The following ABTB3 variants were observed in gnomAD, a reference collection of about 807,000 sequenced individuals.
ABTB3 encodes the protein ankyrin repeat and BTB domain containing 3.
the ABTB3 span, among the ~76,000 whole-genome samples, chr12:107,534,251 T>C: frequency 6.9e-6 from 1 of 144,742 alleles, no homozygotes; most frequent in African/African-American, 2.6e-5. Flanking sequence ...TTGACACAAA[T>C]AAAAATGGAA....
chr12:107,586,064 C>A, the ABTB3 span, among the ~76,000 whole-genome samples: 1 of 152,102 alleles, frequency 6.6e-6, no homozygotes, highest in Non-Finnish European at 1.5e-5. Context: ...ACAGAGAAAG[C>A]AAAACAGGGT....
At chr12:107,385,874 A>G in the ABTB3 span, among the ~76,000 whole-genome samples, 1 of 152,134 alleles carries the variant, frequency 6.6e-6, no homozygotes, top group Non-Finnish European at 1.5e-5. Flanking sequence ...ATCCTCACCG[A>G]CATGCCCAGC....
the ABTB3 span, among the ~76,000 whole-genome samples, chr12:107,543,338 C>CAA: frequency 2.1e-4 from 16 of 78,012 alleles, no homozygotes; most frequent in East Asian, 6.4e-4. Context: ...GACTCCATCT[C>CAA]AAAAAAAAAA....
the ABTB3 span, among the ~76,000 whole-genome samples, chr12:107,624,389 C>T: frequency 1.3e-5 from 2 of 152,078 alleles, no homozygotes; most frequent in African/African-American, 4.8e-5. Context: ...TCTTGCAAAA[C>T]TATGGTAAAA....
At chr12:107,520,849 A>G in the ABTB3 span, among the ~76,000 whole-genome samples, 1 of 152,230 alleles carries the variant, frequency 6.6e-6, no homozygotes, top group Admixed American at 6.5e-5. Flanking sequence ...TGGTTCCGCC[A>G]TAAATGCAGG....
the ABTB3 span, among the ~76,000 whole-genome samples, chr12:107,461,357 A>G: frequency 6.6e-6 from 1 of 152,202 alleles, no homozygotes; most frequent in South Asian, 2.1e-4. Flanking sequence ...GAGAGGACAC[A>G]CAGAGACACA....
the ABTB3 span, among the ~76,000 whole-genome samples, chr12:107,401,022 T>A: frequency 1.3e-5 from 2 of 152,174 alleles, no homozygotes; most frequent in African/African-American, 4.8e-5. Flanking sequence ...GATGACCATG[T>A]CCACATTCAC....
chr12:107,443,527 G>A, the ABTB3 span, among the ~76,000 whole-genome samples: 1 of 152,002 alleles, frequency 6.6e-6, no homozygotes, highest in Non-Finnish European at 1.5e-5. Flanking sequence ...CCCTGAGGTA[G>A]GCATGTGGCA....
chr12:107,461,945 C>T, the ABTB3 span, among the ~76,000 whole-genome samples: 1 of 152,122 alleles, frequency 6.6e-6, no homozygotes. Flanking sequence ...TGGAGATTTC[C>T]ATCTGATTTT....
At chr12:107,539,708 T>C in the ABTB3 span, among the ~76,000 whole-genome samples, 2 of 152,218 alleles carry the variant, frequency 1.3e-5, no homozygotes, top group African/African-American at 4.8e-5. Context: ...CCAGGAGAAC[T>C]GCTTATTCAA....
the ABTB3 span, among the ~76,000 whole-genome samples, chr12:107,641,846 C>T: frequency 1.3e-5 from 2 of 152,220 alleles, no homozygotes; most frequent in Non-Finnish European, 2.9e-5. Context: ...CTTTTCCAAT[C>T]ACCAGTTGGA....
the ABTB3 span, among the ~76,000 whole-genome samples, chr12:107,480,243 T>C: frequency 2.0e-5 from 3 of 151,758 alleles, no homozygotes; most frequent in African/African-American, 2.4e-5. Context: ...TGTGGAAGGC[T>C]AAAATAGCAC....
chr12:107,578,511 G>C, the ABTB3 span, among the ~76,000 whole-genome samples: 1 of 150,408 alleles, frequency 6.6e-6, no homozygotes. Flanking sequence ...TTCTGTGATG[G>C]AGATGCAGCC....
At chr12:107,448,645 CTT>C in the ABTB3 span, among the ~76,000 whole-genome samples, 4 of 134,022 alleles carry the variant, frequency 3.0e-5, no homozygotes, top group African/African-American at 3.5e-5. Flanking sequence ...TTCTTTCTTT[CTT>C]TTTTTTTTTT....
the ABTB3 span, among the ~76,000 whole-genome samples, chr12:107,624,910 C>T: frequency 1.1e-3 from 161 of 152,316 alleles, no homozygotes; most frequent in African/African-American, 3.6e-3. Flanking sequence ...AACTGCCAAA[C>T]TGTTTCCCAG....
At chr12:107,332,728 A>G in the ABTB3 span, among the ~76,000 whole-genome samples, 3 of 152,130 alleles carry the variant, frequency 2.0e-5, no homozygotes, top group Non-Finnish European at 4.4e-5. Flanking sequence ...GCCTGAGTAC[A>G]CATGAGGGGA....
At chr12:107,380,219 G>A in the ABTB3 span, among the ~76,000 whole-genome samples, 6 of 152,228 alleles carry the variant, frequency 3.9e-5, no homozygotes, top group Admixed American at 1.3e-4. Context: ...TTTTATCACC[G>A]AAGATTATGG....
At chr12:107,452,673 G>A in the ABTB3 span, among the ~76,000 whole-genome samples, 1 of 151,990 alleles carries the variant, frequency 6.6e-6, no homozygotes, top group Non-Finnish European at 1.5e-5. Flanking sequence ...AACCCTGTCT[G>A]TAGTAAAAAT....
the ABTB3 span, among the ~76,000 whole-genome samples, chr12:107,471,023 A>G: frequency 6.6e-6 from 1 of 152,230 alleles, no homozygotes; most frequent in African/African-American, 2.4e-5. Context: ...TGAGCATGCC[A>G]GGCACGAAGG....
Sources: allele counts gnomAD v4.1 joint callset (sites outside exome capture counted in the v4.1 genomes callset), GRCh38; gene constraint gnomAD v4.1.1; transcripts MANE v1.5; gene names NCBI Gene and HGNC (gene_info 2026-07-23, HGNC 2026-07-21).